The following SLC30A6 variants were observed in gnomAD, a reference collection of about 807,000 sequenced individuals.
SLC30A6 encodes the protein zinc transporter 6.
SLC30A6 carries 55 observed loss-of-function variants against 63.0 expected under a neutral mutation model. The ratio of observed to expected loss-of-function variants is 0.87; its 90% CI spans 0.70 to 1.09. SLC30A6 has a LOEUF of 1.09. Among genes scored for constraint, SLC30A6 ranks in the 50% least tolerant of loss-of-function variants. The pLI is 0.00. For missense variants in SLC30A6, 587 were observed against 549.2 expected, an observed-to-expected ratio of 1.07 and a Z score of -0.69; for synonymous variants, 224 against 186.1, an observed-to-expected ratio of 1.20 and a Z score of -1.66.
At chr2:32,184,224 CAT>C (rs752986756) in intron 4 of SLC30A6, 47 bp from the exon 5 acceptor site, 3 of 1,069,266 alleles carry the variant, frequency 2.8e-6, no homozygotes, top group Non-Finnish European at 3.9e-6. Flanking sequence ...TTTATCTTCA[CAT>C]GTTCTCTTCT....
chr2:32,183,890 A>G (rs1279888326), intron 4 of SLC30A6, among the ~76,000 whole-genome samples: 1 of 152,200 alleles, frequency 6.6e-6, no homozygotes, highest in African/African-American at 2.4e-5. Context: ...ACTTTTAACA[A>G]AGATGAAGCG....
At chr2:32,217,607 T>C (rs1685818059) in intron 13 of SLC30A6, among the ~76,000 whole-genome samples, 1 of 152,160 alleles carries the variant, frequency 6.6e-6, no homozygotes, top group South Asian at 2.1e-4. Flanking sequence ...AAAAATGACA[T>C]TGGTAGTTTG....
chr2:32,216,604 T>C (rs1355440879), intron 13 of SLC30A6, among the ~76,000 whole-genome samples: 1 of 151,524 alleles, frequency 6.6e-6, no homozygotes, highest in Non-Finnish European at 1.5e-5. Context: ...TAGTAGCCAT[T>C]CTGAGTAGTG....
At chr2:32,205,103 G>A (rs1293072429) in intron 11 of SLC30A6, among the ~76,000 whole-genome samples, 2 of 151,974 alleles carry the variant, frequency 1.3e-5, no homozygotes, top group African/African-American at 4.8e-5. Flanking sequence ...GAGAGCCATC[G>A]TGCCCAGTCA....
Position 32,196,983 on chromosome 2 carries a change from G to A in SLC30A6, c.497-361G>A, listed in dbSNP as rs562419019. On this transcript the variant is annotated intron_variant, in intron 8 of 13. Transcript: ENST00000282587. ...GCTGAGGCAGGAGAATTGCTTGAACGCGGGAGACAGAGGTTGCAGTGAGCC... is the reference window on the plus strand; with the variant it reads ...GCTGAGGCAGGAGAATTGCTTGAACACGGGAGACAGAGGTTGCAGTGAGCC... Among the ~76,000 whole-genome samples, 20 of 152,136 alleles carry A rather than the reference G, an allele frequency of 1.3e-4. No individual in the cohort carries two copies. In the East Asian group the frequency reaches 1.7e-3, roughly 13 times the overall value.
chr2:32,176,722 T>C (rs961895036), intron 4 of SLC30A6, among the ~76,000 whole-genome samples: 7 of 152,074 alleles, frequency 4.6e-5, no homozygotes, highest in African/African-American at 1.7e-4. Flanking sequence ...TTTAGTCTCT[T>C]CATACATAGA....
At chr2:32,166,225 C>T (rs538680284) in intron 1 of SLC30A6, among the ~76,000 whole-genome samples, 2 of 152,000 alleles carry the variant, frequency 1.3e-5, no homozygotes, top group Admixed American at 1.3e-4. Flanking sequence ...ACAACTAGGC[C>T]ACCAACAAAA....
chr2:32,211,703 T>C (rs1374730510), intron 13 of SLC30A6, among the ~76,000 whole-genome samples: 2 of 152,140 alleles, frequency 1.3e-5, no homozygotes, highest in East Asian at 3.9e-4. Flanking sequence ...CTGCAGCCTC[T>C]GCCTCCAGGG....
chr2:32,209,756 G>C (rs926469092), intron 13 of SLC30A6, among the ~76,000 whole-genome samples, 195 bp downstream of exon 13: 4 of 152,052 alleles, frequency 2.6e-5, no homozygotes, highest in African/African-American at 9.7e-5. Flanking sequence ...GTCTCACTCT[G>C]TTGCCCAGGC....
intron 13 of SLC30A6, among the ~76,000 whole-genome samples, chr2:32,214,047 T>C (rs980355012): frequency 6.6e-6 from 1 of 152,112 alleles, no homozygotes; most frequent in African/African-American, 2.4e-5. Context: ...TTTTGTAGAA[T>C]CTGCGAAGAG....
At chr2:32,214,949 TA>T (rs1294189312) in intron 13 of SLC30A6, among the ~76,000 whole-genome samples, 1 of 152,222 alleles carries the variant, frequency 6.6e-6, no homozygotes, top group East Asian at 1.9e-4. Context: ...TTGTCTTAGC[TA>T]AAAGTAATAA....
At chr2:32,166,610 G>GATTAACTTTAAAGATAAAACTTTTAAA (rs1680682575) in intron 1 of SLC30A6, among the ~76,000 whole-genome samples, 1 of 152,188 alleles carries the variant, frequency 6.6e-6, no homozygotes, top group Non-Finnish European at 1.5e-5. Flanking sequence ...ATAAGCAGTT[G>GATTAACTTTAAAGATAAAACTTTTAAA]GTTGGGATTT....
At chr2:32,197,881 A>C in intron 10 of SLC30A6, 55 bp downstream of exon 10, 1 of 1,601,318 alleles carries the variant, frequency 6.2e-7, no homozygotes, top group Non-Finnish European at 8.5e-7. Context: ...ACTTACTTTT[A>C]AGGGCATCAG....
At chr2:32,200,029 C>T (rs564024285) in intron 10 of SLC30A6, among the ~76,000 whole-genome samples, 1 of 151,922 alleles carries the variant, frequency 6.6e-6, no homozygotes, top group African/African-American at 2.4e-5. Context: ...GCAGGAGAAT[C>T]GCTTGAACCC....
chr2:32,211,065 G>A (rs1225269195), intron 13 of SLC30A6, among the ~76,000 whole-genome samples: 1 of 152,104 alleles, frequency 6.6e-6, no homozygotes, highest in Non-Finnish European at 1.5e-5. Flanking sequence ...TAATTTTCTC[G>A]CTCTTTGCCT....
intron 2 of SLC30A6, 55 bp downstream of exon 2, chr2:32,171,428 T>G: frequency 7.3e-7 from 1 of 1,376,164 alleles, no homozygotes; most frequent in South Asian, 1.2e-5. Context: ...ATTATAACAT[T>G]GAAGAAAGAT....
chr2:32,202,031 A>G, intron 10 of SLC30A6: 2 of 1,101,584 alleles, frequency 1.8e-6, no homozygotes, highest in Non-Finnish European at 2.6e-6. Flanking sequence ...ATGAAAAAAA[A>G]AAAGCAAGTA....
At position 32,181,933 on chromosome 2, in the gene SLC30A6, CTT is replaced by C. The variant is rs34589397; in HGVS notation, c.219-2322_219-2321del. Among the ~76,000 whole-genome samples, 253 of 122,872 alleles carry C rather than the reference CTT, an allele frequency of 2.1e-3. 3 individuals carry two copies. The East Asian group carries it at 0.036, about 17-fold the overall frequency. The allele number at this position is 122,872 out of a possible 152,430, so 80.6% of individuals were successfully genotyped here. Reference sequence around the variant, plus strand: ...CAATTGTATATTTCGTTTTTCTTTTCTTTTTTTTTTTTTTTTTTTGAGACAGG... The same window carrying C: ...CAATTGTATATTTCGTTTTTCTTTTCTTTTTTTTTTTTTTTTTGAGACAGG... On this transcript the variant is annotated intron_variant, in intron 4 of 13. Transcript: ENST00000282587.
chr2:32,202,721 T>C, intron 10 of SLC30A6: 2 of 688,126 alleles, frequency 2.9e-6, no homozygotes, highest in South Asian at 3.3e-5. Flanking sequence ...TTGAAGATAT[T>C]ATTCATGAAT....
Sources: allele counts gnomAD v4.1 joint callset (sites outside exome capture counted in the v4.1 genomes callset), GRCh38; gene constraint gnomAD v4.1.1; transcripts MANE v1.5; gene names NCBI Gene and HGNC (gene_info 2026-07-23, HGNC 2026-07-21).